The following ABLIM3 variants were observed in gnomAD, a reference collection of about 807,000 sequenced individuals.
ABLIM3 encodes the protein actin-binding LIM protein 3.
Under a neutral mutation model 109.5 loss-of-function variants are expected in ABLIM3, and 61 were observed. The ratio of observed to expected loss-of-function variants is 0.56; its 90% CI spans 0.45 to 0.69. ABLIM3 has a LOEUF of 0.69. Ranked by LOEUF, ABLIM3 falls within the 30% of genes least tolerant of loss-of-function variation. The pLI, the probability that ABLIM3 is intolerant of heterozygous loss-of-function variation, is 0.00. For missense variants in ABLIM3, 796 were observed against 889.5 expected, an observed-to-expected ratio of 0.89 and a Z score of 1.34; for synonymous variants, 300 against 324.8, an observed-to-expected ratio of 0.92 and a Z score of 0.82.
chr5:149,145,753 G>A (rs909219974), intron 2 of ABLIM3, among the ~76,000 whole-genome samples: 8 of 150,790 alleles, frequency 5.3e-5, no homozygotes, highest in African/African-American at 1.9e-4. Flanking sequence ...GTGATGTTGA[G>A]CATTTTTATT....
At chr5:149,183,854 T>C (rs1341375564) in intron 3 of ABLIM3, among the ~76,000 whole-genome samples, 1 of 152,154 alleles carries the variant, frequency 6.6e-6, no homozygotes, top group Non-Finnish European at 1.5e-5. Flanking sequence ...AAGTTTAACT[T>C]ACTCATCTGA....
chr5:149,198,437 G>GCATAAGCC lies in ABLIM3; in HGVS notation c.335+37_335+44dup. 6.4e-7 allele frequency: 1 copy of GCATAAGCC among 1,564,812 alleles called. No homozygotes were observed. Among genetic ancestry groups the GCATAAGCC allele is most frequent in the Non-Finnish European group, 8.6e-7 (1 of 1,156,364 alleles). On this transcript the variant is annotated intron_variant, in intron 4 of 23. Coordinates refer to ENST00000309868, the MANE Select transcript of ABLIM3 (RefSeq NM_014945.5). The surrounding 1 kb of genome is among the most constrained non-coding windows in gnomAD (Gnocchi z 4.2). ...CGACCAGCAGGGCCTGGGACCCTCTGCATAAGCCCCCGGGGCAGGGGAAGA... is the reference window on the plus strand; with the variant it reads ...CGACCAGCAGGGCCTGGGACCCTCTGCATAAGCCCATAAGCCCCCGGGGCAGGGGAAGA...
intron 2 of ABLIM3, chr5:149,177,035 G>A (rs1261930201): frequency 6.6e-6 from 1 of 152,220 alleles, no homozygotes; most frequent in Non-Finnish European, 1.5e-5. Flanking sequence ...TTTCTCATCT[G>A]TTAAGTGAAA....
rs185394000 is a variant in ABLIM3, at chr5:149,260,462, T to G, written c.*2058T>G. 1 of 152,696 alleles carries G rather than the reference T, an allele frequency of 6.5e-6. No homozygotes were observed. The highest frequency in any genetic ancestry group is 2.4e-5 in the African/African-American group (1 of 41,548). 9.5% of individuals were successfully genotyped at this position (152,696 alleles called of 1,614,324 possible). ...AAACCTGTGTGCTTCTGTTGTTTCTTGTGTGGGAGTGGAAATGACTGACAT... is the reference window on the plus strand; with the variant it reads ...AAACCTGTGTGCTTCTGTTGTTTCTGGTGTGGGAGTGGAAATGACTGACAT... On this transcript the variant is annotated 3_prime_UTR_variant, in exon 24 of 24. Transcript: ENST00000309868.
intron 2 of ABLIM3, among the ~76,000 whole-genome samples, chr5:149,155,365 A>C (rs1050034936): frequency 2.6e-5 from 4 of 152,204 alleles, no homozygotes; most frequent in African/African-American, 9.6e-5. Context: ...CCATGAAATC[A>C]ATGATGCACA....
chr5:149,178,867 G>A (rs1208751423), intron 2 of ABLIM3, among the ~76,000 whole-genome samples: 1 of 152,160 alleles, frequency 6.6e-6, no homozygotes, highest in Non-Finnish European at 1.5e-5. Context: ...GGATCACTTT[G>A]TTCAACCTCT....
At chr5:149,213,140 A>T (rs140720106) in intron 7 of ABLIM3, among the ~76,000 whole-genome samples, 1 of 152,144 alleles carries the variant, frequency 6.6e-6, no homozygotes, top group Admixed American at 6.5e-5. Flanking sequence ...AAAGAAAAGA[A>T]ATATGGATCA....
At chr5:149,195,474 C>T (rs1464888298) in intron 3 of ABLIM3, among the ~76,000 whole-genome samples, 1 of 152,218 alleles carries the variant, frequency 6.6e-6, no homozygotes. Flanking sequence ...GGCTTATCAA[C>T]CTTTACATCC....
At chr5:149,158,247 A>G (rs577214520) in intron 2 of ABLIM3, among the ~76,000 whole-genome samples, 1 of 152,350 alleles carries the variant, frequency 6.6e-6, no homozygotes, top group East Asian at 1.9e-4. Flanking sequence ...TTGTTCCCCA[A>G]CTGCAAGCCA....
chr5:149,186,142 A>T (rs1756936554), intron 3 of ABLIM3, among the ~76,000 whole-genome samples: 1 of 152,174 alleles, frequency 6.6e-6, no homozygotes, highest in African/African-American at 2.4e-5. Flanking sequence ...GGGGAATAAA[A>T]CAGTGGCTCA....
chr5:149,225,721 CT>C (rs1359194426), intron 8 of ABLIM3, among the ~76,000 whole-genome samples: 2 of 151,986 alleles, frequency 1.3e-5, no homozygotes, highest in African/African-American at 2.4e-5. Context: ...GCCTTTCCCC[CT>C]GAGCCCCAAA....
At chr5:149,181,010 G>A (rs917226180) in intron 2 of ABLIM3, among the ~76,000 whole-genome samples, 8 of 152,204 alleles carry the variant, frequency 5.3e-5, no homozygotes, top group African/African-American at 1.9e-4. Flanking sequence ...ATTAGAGGAG[G>A]TAGATGAAAG....
At chr5:149,166,159 C>G (rs1268608433) in intron 2 of ABLIM3, among the ~76,000 whole-genome samples, 1 of 152,150 alleles carries the variant, frequency 6.6e-6, no homozygotes, top group Non-Finnish European at 1.5e-5. Context: ...GAGCCCATGT[C>G]CCCACCTGGT....
chr5:149,177,508 T>C (rs1159016740), intron 2 of ABLIM3, among the ~76,000 whole-genome samples: 1 of 152,110 alleles, frequency 6.6e-6, no homozygotes, highest in Admixed American at 6.5e-5. Flanking sequence ...TTCACACATT[T>C]CTCTGCAGGA....
At chr5:149,252,158 G>A (rs1237215635) in intron 21 of ABLIM3, 43 bp from the exon 22 acceptor site, 2 of 1,612,574 alleles carry the variant, frequency 1.2e-6, no homozygotes, top group Non-Finnish European at 1.7e-6. Flanking sequence ...AGCAAAGACT[G>A]ATGGGCTCCA....
chr5:149,243,415 A>C (rs931956337), intron 15 of ABLIM3: 1 of 152,210 alleles, frequency 6.6e-6, no homozygotes, highest in African/African-American at 2.4e-5. Context: ...CACCCTGTGC[A>C]CCCACACTTG....
At chr5:149,160,273 GGTAAAACCCC>G (rs1754223422) in intron 2 of ABLIM3, among the ~76,000 whole-genome samples, 1 of 151,858 alleles carries the variant, frequency 6.6e-6, no homozygotes, top group African/African-American at 2.4e-5. Context: ...TGGCCAACAT[GGTAAAACCCC>G]GTCTCTACTA....
intron 2 of ABLIM3, among the ~76,000 whole-genome samples, chr5:149,176,589 C>G (rs1176132027): frequency 6.6e-6 from 1 of 152,100 alleles, no homozygotes; most frequent in East Asian, 1.9e-4. Context: ...GAGTTTCATT[C>G]TCCTGTAAAA....
intron 2 of ABLIM3, among the ~76,000 whole-genome samples, chr5:149,157,361 C>T (rs545504737): frequency 9.9e-5 from 15 of 152,142 alleles, no homozygotes; most frequent in Non-Finnish European, 2.2e-4. Context: ...TCCCGATTCA[C>T]ATTTCCTACT....
Sources: allele counts gnomAD v4.1 joint callset (sites outside exome capture counted in the v4.1 genomes callset), GRCh38; gene constraint gnomAD v4.1.1; non-coding constraint Gnocchi (gnomAD v3.1); transcripts MANE v1.5; gene names NCBI Gene and HGNC (gene_info 2026-07-23, HGNC 2026-07-21).